The following ARMC2 variants were observed in gnomAD, a reference collection of about 807,000 sequenced individuals.
ARMC2 encodes the protein armadillo repeat-containing protein 2.
In ARMC2, 67 loss-of-function variants were observed where a neutral mutation model predicts 90.3. That is an observed-to-expected ratio of 0.74 (90% CI 0.61 to 0.91). The LOEUF (loss-of-function observed/expected upper bound fraction) is 0.91. Among genes scored for constraint, ARMC2 ranks in the 40% least tolerant of loss-of-function variants. The probability of loss-of-function intolerance (pLI) is 0.00; values close to 1 mark genes in which losing one functional copy is unlikely to be tolerated. For missense variants in ARMC2, 920 were observed against 1,030.9 expected (o/e 0.89, Z 1.47); for synonymous variants, 393 against 393.0 (o/e 1.00, Z 0.00).
At chr6:108,929,926 G>A (rs1212899961) in intron 11 of ARMC2, among the ~76,000 whole-genome samples, 2 of 151,934 alleles carry the variant, frequency 1.3e-5, no homozygotes, top group African/African-American at 4.8e-5. Context: ...TGGGCAACAT[G>A]GCGAAATCCC....
In ARMC2 at chr6:108,974,348, G is replaced by A. The variant is rs535444294; in HGVS notation, c.*834G>A. The A allele has an allele frequency of 1.8e-4, 28 of 152,294 alleles. No individual in the cohort carries two copies. The highest frequency in any genetic ancestry group is 6.5e-4 in the African/African-American group (27 of 41,566). The allele number at this position is 152,294 out of a possible 1,614,324, so 9.4% of individuals were successfully genotyped here. On this transcript the variant is annotated 3_prime_UTR_variant, in exon 18 of 18. Transcript: ENST00000392644. ...GTAGTTTGGAACAAACCATTAAATG[G>A]GCAAATGGCCCAGTCCAGTGTATCA...
intron 11 of ARMC2, among the ~76,000 whole-genome samples, chr6:108,929,051 C>T (rs1050718800): frequency 2.6e-5 from 4 of 152,018 alleles, no homozygotes; most frequent in South Asian, 2.1e-4. Context: ...AATTGTATGA[C>T]GTGGAGGCTT....
In ARMC2 at chr6:108,854,432, A is replaced by G; in HGVS notation, c.165A>G (p.Leu55=). The G allele has an allele frequency of 1.9e-6, 3 of 1,613,674 alleles. No homozygotes were observed. The highest frequency in any genetic ancestry group is 1.1e-5 in the South Asian group (1 of 91,068). Residue 55 remains leucine, a synonymous_variant, in exon 2 of 18, where the codon CTA becomes CTG. Transcript: ENST00000392644. ...PFTPQEAQRK[L]FGPASSRTSE... ...CACCACAGGAGGCTCAAAGAAAACT[A>G]TTCGGACCTGCATCCTCAAGAACAT...
chr6:108,986,418 A>T, the ARMC2 span: 1 of 152,662 alleles, frequency 6.6e-6, no homozygotes, highest in African/African-American at 2.4e-5. Context: ...ATGATTTTTT[A>T]AGAGATTGAG....
At chr6:108,862,043 G>A (rs1486919462) in intron 3 of ARMC2, among the ~76,000 whole-genome samples, 1 of 152,064 alleles carries the variant, frequency 6.6e-6, no homozygotes, top group Non-Finnish European at 1.5e-5. Flanking sequence ...TGGGTGCTAT[G>A]TTCACAGTAA....
chr6:108,930,904 T>C lies in ARMC2; in HGVS notation c.1496+2671T>C, dbSNP rs1271076097. Among the ~76,000 whole-genome samples, 263 of 126,810 alleles carry C rather than the reference T, an allele frequency of 2.1e-3. 3 individuals are homozygous for C. Among genetic ancestry groups the C allele is most frequent in the Non-Finnish European group, 2.2e-3 (134 of 60,624 alleles). 83.2% of individuals were successfully genotyped at this position (126,810 alleles called of 152,430 possible). A position where few individuals can be genotyped will look rare whatever the true frequency, so the allele number is the denominator to read the frequency against. ...GCCACCGCACCCGGCCCCCACCCCC[T>C]TTTTTTTTTTTTTAACTTTTATTTT... On this transcript the variant is annotated intron_variant, in intron 11 of 17. Transcript: ENST00000392644.
At chr6:108,924,096 G>A (rs1372810397) in intron 10 of ARMC2, 4 of 152,466 alleles carry the variant, frequency 2.6e-5, no homozygotes, top group African/African-American at 4.8e-5. Flanking sequence ...AAGTGACAAT[G>A]CTTCTGTGAT....
chr6:108,878,480 T>A (rs1404296098), intron 5 of ARMC2, among the ~76,000 whole-genome samples: 1 of 152,206 alleles, frequency 6.6e-6, no homozygotes, highest in East Asian at 1.9e-4. Context: ...TTTATCTGGC[T>A]GGGAGAGGAA....
the ARMC2 span, among the ~76,000 whole-genome samples, chr6:108,995,435 G>T: frequency 6.6e-6 from 1 of 152,154 alleles, no homozygotes; most frequent in African/African-American, 2.4e-5. Flanking sequence ...TCTGCAAATG[G>T]ATCTGGCAGC....
chr6:108,871,726 C>T (rs79269960), intron 4 of ARMC2, among the ~76,000 whole-genome samples: 5,502 of 152,160 alleles, frequency 0.036, 295 homozygotes, highest in African/African-American at 0.11. Context: ...TGGCTTAGCT[C>T]CTTCCCCGCT....
intron 11 of ARMC2, among the ~76,000 whole-genome samples, chr6:108,936,535 C>T (rs920081540): frequency 6.6e-6 from 1 of 152,200 alleles, no homozygotes; most frequent in South Asian, 2.1e-4. Context: ...GGATTACAGG[C>T]GTGAGGCACC....
At chr6:108,975,744 C>G (rs2128523213), downstream of ARMC2, among the ~76,000 whole-genome samples, 1 of 152,318 alleles carries the variant, frequency 6.6e-6, no homozygotes, top group Admixed American at 6.5e-5. Flanking sequence ...TTGCATTTCT[C>G]TAATGACCAG....
the ARMC2 span, among the ~76,000 whole-genome samples, chr6:109,036,503 G>A: frequency 6.6e-6 from 1 of 152,064 alleles, no homozygotes; most frequent in African/African-American, 2.4e-5. Flanking sequence ...TCTGATGCTG[G>A]GATCTAGTGT....
intron 5 of ARMC2, among the ~76,000 whole-genome samples, chr6:108,885,673 C>CAAAA (rs772185235): frequency 1.7e-5 from 2 of 117,436 alleles, no homozygotes; most frequent in East Asian, 2.3e-4. Context: ...GACTCTGTCG[C>CAAAA]AAAAAAAAAA....
the ARMC2 span, among the ~76,000 whole-genome samples, chr6:108,982,148 G>A: frequency 2.0e-5 from 3 of 152,106 alleles, no homozygotes; most frequent in East Asian, 1.9e-4. Context: ...GTTCTTTTGT[G>A]TATATACTCA....
the ARMC2 span, among the ~76,000 whole-genome samples, chr6:109,006,688 G>A: frequency 2.0e-5 from 3 of 152,142 alleles, no homozygotes; most frequent in Non-Finnish European, 4.4e-5. Flanking sequence ...TTATACAGTA[G>A]TAGTCTTGGT....
chr6:108,890,220 A>ACAAAAC (rs1770859837), intron 5 of ARMC2, among the ~76,000 whole-genome samples: 1 of 116,302 alleles, frequency 8.6e-6, no homozygotes, highest in Admixed American at 9.2e-5. Context: ...AAAAAAAAAA[A>ACAAAAC]AAAAAAAAAC....
At chr6:109,007,153 A>G in the ARMC2 span, among the ~76,000 whole-genome samples, 1 of 152,328 alleles carries the variant, frequency 6.6e-6, no homozygotes. Context: ...TGTTTCCTCA[A>G]TGTATAATGC....
chr6:108,873,770 C>T (rs1214129125), intron 4 of ARMC2, among the ~76,000 whole-genome samples: 1 of 152,048 alleles, frequency 6.6e-6, no homozygotes, highest in Admixed American at 6.5e-5. Flanking sequence ...CTTCTCAGCC[C>T]CCACCTCCTC....
Sources: allele counts gnomAD v4.1 joint callset (sites outside exome capture counted in the v4.1 genomes callset), GRCh38; gene constraint gnomAD v4.1.1; transcripts MANE v1.5; gene names NCBI Gene and HGNC (gene_info 2026-07-23, HGNC 2026-07-21).